The following PABPC1L variants were observed in gnomAD, a reference collection of about 807,000 sequenced individuals.
PABPC1L encodes poly(A) binding protein cytoplasmic 1 like.
A neutral mutation model predicts 66.6 loss-of-function variants in PABPC1L; 31 were observed. The ratio of observed to expected loss-of-function variants is 0.47; its 90% confidence interval spans 0.35 to 0.63. The LOEUF (loss-of-function observed/expected upper bound fraction) is 0.63. Ranked by LOEUF, PABPC1L falls within the 20% of genes least tolerant of loss-of-function variation. PABPC1L has a pLI of 0.00. For missense variants in PABPC1L, 722 were observed against 848.8 expected (o/e 0.85, Z 1.86); for synonymous variants, 348 against 335.1 (o/e 1.04, Z -0.42).
At chr20:44,914,424 G>GGTCT (rs1400820577) in intron 2 of PABPC1L, among the ~76,000 whole-genome samples, 1 of 152,060 alleles carries the variant, frequency 6.6e-6, no homozygotes, top group Non-Finnish European at 1.5e-5. Context: ...TAGCCAGGAT[G>GGTCT]GTCTCGATCT....
At chr20:44,927,283 G>C (rs956594759) in intron 7 of PABPC1L, among the ~76,000 whole-genome samples, 1 of 152,034 alleles carries the variant, frequency 6.6e-6, no homozygotes, top group Non-Finnish European at 1.5e-5. Flanking sequence ...CTCTGCATAA[G>C]TGTTAGCTTT....
At chr20:44,927,804 C>G (rs574515971) in intron 7 of PABPC1L, among the ~76,000 whole-genome samples, 155 of 152,144 alleles carry the variant, frequency 1.0e-3, no homozygotes, top group Non-Finnish European at 1.6e-3. Flanking sequence ...GATCTCCTGT[C>G]TCAGCCTCCC....
intron 2 of PABPC1L, among the ~76,000 whole-genome samples, chr20:44,915,665 G>A (rs1446910338): frequency 6.6e-6 from 1 of 152,056 alleles, no homozygotes; most frequent in Admixed American, 6.6e-5. Flanking sequence ...CAGGCATGGT[G>A]GCATGCACCT....
chr20:44,937,857 T>C, intron 12 of PABPC1L: 1 of 658,102 alleles, frequency 1.5e-6, no homozygotes. Context: ...CTGGACACAT[T>C]GCTGAGATGG....
intron 5 of PABPC1L, among the ~76,000 whole-genome samples, chr20:44,920,570 G>A (rs1308632051): frequency 6.6e-6 from 1 of 152,102 alleles, no homozygotes; most frequent in Non-Finnish European, 1.5e-5. Context: ...CTGGGTTCAA[G>A]TAATTCTCCT....
At chr20:44,938,487 TCTGTGTCAAAGGTGA>T (rs1013986058) in intron 13 of PABPC1L, among the ~76,000 whole-genome samples, 172 bp from the exon 14 acceptor site, 1 of 152,126 alleles carries the variant, frequency 6.6e-6, no homozygotes, top group African/African-American at 2.4e-5. Flanking sequence ...GCAATGTACC[TCTGTGTCAAAGGTGA>T]CAGACAGGGC....
chr20:44,922,482 C>A (rs1331182558), intron 6 of PABPC1L, among the ~76,000 whole-genome samples: 1 of 152,000 alleles, frequency 6.6e-6, no homozygotes, highest in Non-Finnish European at 1.5e-5. Flanking sequence ...GTGATCTGCC[C>A]GCCTCAGCCT....
At position 44,912,844 on chromosome 20, in the gene PABPC1L, C is replaced by T. The variant is rs1308700128; in HGVS notation, c.378C>T (p.Leu126=). 6.2e-7 allele frequency: 1 copy of T among 1,613,788 alleles called. No individual in the cohort carries two copies. Among genetic ancestry groups the T allele is most frequent in the Admixed American group, 1.7e-5 (1 of 60,016 alleles). The change falls in exon 2 of 15, where the codon CTC becomes CTT. Residue 126 remains leucine (L), a synonymous_variant. Coordinates refer to ENST00000217073, the MANE Select transcript of PABPC1L (RefSeq NM_001372179.1). ...YDTFSTFGNI[L]SCKVACDEHG... ...CCTTCTCCACCTTTGGGAACATCCT[C>T]TCTTGCAAGGTAGAGGATGAAGGGT... is the stretch of plus-strand genomic sequence containing the variant.
At chr20:44,927,279 A>G (rs750213867) in intron 7 of PABPC1L, among the ~76,000 whole-genome samples, 2 of 152,170 alleles carry the variant, frequency 1.3e-5, no homozygotes, top group African/African-American at 4.8e-5. Flanking sequence ...TAAGCTCTGC[A>G]TAAGTGTTAG....
chr20:44,936,846 C>A, intron 12 of PABPC1L, 116 bp downstream of exon 12: 2 of 1,083,398 alleles, frequency 1.8e-6, no homozygotes, highest in Non-Finnish European at 2.8e-6. Context: ...AGCTTTGTCA[C>A]CGACCCCCCT....
chr20:44,921,517 T>C, intron 5 of PABPC1L, 77 bp from the exon 6 acceptor site: 1 of 1,570,464 alleles, frequency 6.4e-7, no homozygotes, highest in Non-Finnish European at 8.6e-7. Flanking sequence ...AGGTGGCCCC[T>C]CTAGATCCAG....
intron 9 of PABPC1L, 138 bp from the exon 10 acceptor site, chr20:44,932,919 C>T (rs41302556): frequency 0.013 from 7,876 of 614,408 alleles, 80 homozygotes; most frequent in Non-Finnish European, 0.017. Context: ...TGAATTGACT[C>T]CTATTTCTGT....
Position 44,918,921 on chromosome 20 carries a change from C to A in PABPC1L, c.519C>A (p.Phe173Leu), listed in dbSNP as rs1407982057. 6.3e-7 allele frequency: 1 copy of A among 1,595,824 alleles called. No homozygotes were observed. The highest frequency in any genetic ancestry group is 8.5e-7 in the Non-Finnish European group (1 of 1,171,336). The change falls in exon 4 of 15, where the codon TTC (phenylalanine) becomes TTA (leucine). Residue 173 changes from phenylalanine to leucine, a missense_variant. This residue lies in a region of PABPC1L where 284 missense variants were observed against 294.8 expected (regional missense o/e 0.96). Transcript: ENST00000217073. ...LNDRKVFVGH[F>L]KSRREREAEL... Reference sequence around the variant, plus strand: ...ATGTCCACAGCTTTGTGGGTCACTTCAAGTCTCGACGGGAGCGGGAGGCGG... The same window carrying A: ...ATGTCCACAGCTTTGTGGGTCACTTAAAGTCTCGACGGGAGCGGGAGGCGG...
chr20:44,929,342 G>A (rs1006475729), intron 7 of PABPC1L, among the ~76,000 whole-genome samples: 5 of 152,026 alleles, frequency 3.3e-5, no homozygotes, highest in African/African-American at 1.2e-4. Context: ...AAGAATATTA[G>A]GGGAAAAAAG....
At chr20:44,939,030 G>C in intron 14 of PABPC1L, 96 bp from the exon 15 acceptor site, 1 of 709,190 alleles carries the variant, frequency 1.4e-6, no homozygotes, top group South Asian at 1.5e-5. Flanking sequence ...CATTCTGCCT[G>C]CCTGAAGGCC....
intron 6 of PABPC1L, among the ~76,000 whole-genome samples, chr20:44,923,172 A>G (rs973639350): frequency 6.6e-6 from 1 of 152,222 alleles, no homozygotes; most frequent in Non-Finnish European, 1.5e-5. Flanking sequence ...CAACAGTGAG[A>G]TGCACAGACT....
intron 5 of PABPC1L, among the ~76,000 whole-genome samples, chr20:44,919,655 C>T (rs142564646): frequency 3.2e-4 from 48 of 152,274 alleles, no homozygotes; most frequent in African/African-American, 1.1e-3. Context: ...GGTTTGAGTC[C>T]AGCCTGGGCA....
chr20:44,935,223 T>C (rs1246913371), intron 10 of PABPC1L, among the ~76,000 whole-genome samples, 168 bp from the exon 11 acceptor site: 1 of 152,148 alleles, frequency 6.6e-6, no homozygotes, highest in Non-Finnish European at 1.5e-5. Context: ...TTTTCTGTAG[T>C]GGCTACATCA....
At position 44,918,930 on chromosome 20, in the gene PABPC1L, A is replaced by G. The variant is rs564154591; in HGVS notation, c.528A>G (p.Arg176=). 12 of 1,603,822 alleles carry G rather than the reference A, an allele frequency of 7.5e-6. No homozygotes were observed. The African/African-American group carries it at 1.5e-4, about 20-fold the overall frequency. ...RKVFVGHFKS[R]REREAELGAR... is the part of the protein sequence containing the mutation. ...GCTTTGTGGGTCACTTCAAGTCTCG[A>G]CGGGAGCGGGAGGCGGAGCTGGGGG... The change falls in exon 4 of 15, where the codon CGA becomes CGG. Residue 176 remains arginine, a synonymous_variant. Transcript: ENST00000217073.
Sources: allele counts gnomAD v4.1 joint callset (sites outside exome capture counted in the v4.1 genomes callset), GRCh38; gene constraint gnomAD v4.1.1; regional missense constraint gnomAD v4.1.1; transcripts MANE v1.5; gene names NCBI Gene and HGNC (gene_info 2026-07-23, HGNC 2026-07-21).